CORO7: variants seen among roughly 807,000 people sequenced by gnomAD.
The protein encoded by CORO7 is coronin-7.
Under a neutral mutation model 126.6 loss-of-function variants are expected in CORO7, and 107 were observed. The observed-to-expected ratio is 0.85, with a 90% confidence interval of 0.72 to 0.99. The LOEUF is 0.99. Ranked by LOEUF, CORO7 falls within the 50% of genes least tolerant of loss-of-function variation. The pLI, the probability that CORO7 is intolerant of heterozygous loss-of-function variation, is 0.00. For missense variants in CORO7, 1,314 were observed against 1,255.8 expected (o/e 1.05, Z -0.70); for synonymous variants, 603 against 536.8 (o/e 1.12, Z -1.70).
Position 4,364,665 on chromosome 16 carries a change from A to T in CORO7, c.1069T>A (p.Phe357Ile), listed in dbSNP as rs767675222. 6.3e-7 allele frequency: 1 copy of T among 1,582,646 alleles called. No individual in the cohort carries two copies. The highest frequency in any genetic ancestry group is 1.3e-5 in the African/African-American group (1 of 74,616). ...GGCACACAGCCGGCAGTGTCCGGGA[A>T]CAGGTCCTCGTGGAACTCCACAGCC... ...RKAVEFHEDL[F>I]PDTAGCVPAT... The change falls in exon 13 of 28, where the codon TTC (phenylalanine) becomes ATC (isoleucine). Residue 357 changes from phenylalanine (F) to isoleucine (I), a missense_variant. Phe to Ile is a conservative substitution (Grantham distance 21). Transcript: ENST00000251166.
chr16:4,410,010 T>C (rs1214023249), intron 3 of CORO7, among the ~76,000 whole-genome samples: 1 of 152,212 alleles, frequency 6.6e-6, no homozygotes, highest in East Asian at 1.9e-4. Flanking sequence ...AGTGAGGCTA[T>C]GGACTTGCCT....
In CORO7 at chr16:4,400,797, CAAT is replaced by C. The variant is rs373023916; in HGVS notation, c.564+4691_564+4693del. ...ATCGTGCCAATGCACTCCAGCAGTG[CAAT>C]AATAATAATAATAATAATAATAATA... On this transcript the variant is annotated intron_variant, in intron 6 of 27. Transcript: ENST00000251166. Among the ~76,000 whole-genome samples the C allele has an allele frequency of 6.7e-3, 933 of 139,328 alleles. 7 individuals carry two copies. The highest frequency in any genetic ancestry group is 0.018 in the African/African-American group (673 of 37,692). The allele number at this position is 139,328 out of a possible 152,430, so 91.4% of individuals were successfully genotyped here.
rs1481419466 is a variant in CORO7, at chr16:4,383,060, C to T, written c.785+4926G>A. ...GGCCCTGTTCCCTCTGGACCTCGGT[C>T]TCCTCATCTGTGAGATGCTGTGGCC... On this transcript the variant is annotated intron_variant, in intron 9 of 27. Coordinates refer to ENST00000251166, the MANE Select transcript of CORO7 (RefSeq NM_024535.5). 5 of 781,006 alleles carry T rather than the reference C, an allele frequency of 6.4e-6. No individual in the cohort carries two copies. The East Asian group carries it at 1.5e-4, about 23-fold the overall frequency. 48.4% of individuals were successfully genotyped at this position (781,006 alleles called of 1,614,324 possible). A position where few individuals can be genotyped will look rare whatever the true frequency, so the allele number is the denominator to read the frequency against.
intron 1 of CORO7, among the ~76,000 whole-genome samples, chr16:4,416,170 G>T (rs948679201): frequency 6.6e-6 from 1 of 152,118 alleles, no homozygotes. Context: ...CCTGGGCCCC[G>T]GCTAGGAGGG....
chr16:4,381,636 C>A, intron 9 of CORO7: 1 of 1,599,536 alleles, frequency 6.3e-7, no homozygotes, highest in Non-Finnish European at 8.5e-7. Flanking sequence ...CCCGCATTGC[C>A]CAGCTGCGGC....
intron 3 of CORO7, among the ~76,000 whole-genome samples, chr16:4,410,608 T>G (rs2056168112): frequency 6.6e-6 from 1 of 152,238 alleles, no homozygotes; most frequent in Admixed American, 6.5e-5. Context: ...TTATACAAGC[T>G]GCCACACACA....
chr16:4,399,155 G>T (rs1279196880), intron 6 of CORO7, among the ~76,000 whole-genome samples: 1 of 152,144 alleles, frequency 6.6e-6, no homozygotes, highest in African/African-American at 2.4e-5. Flanking sequence ...CAAAAGAACT[G>T]AAAGCAGGCC....
intron 9 of CORO7, among the ~76,000 whole-genome samples, chr16:4,372,222 G>T (rs1025337427): frequency 5.9e-5 from 9 of 152,182 alleles, no homozygotes; most frequent in African/African-American, 1.9e-4. Context: ...GCGCGCCTGA[G>T]TGTGCGGTGA....
chr16:4,356,231 G>A (rs894991133), intron 26 of CORO7, among the ~76,000 whole-genome samples: 1 of 152,130 alleles, frequency 6.6e-6, no homozygotes, highest in African/African-American at 2.4e-5. Flanking sequence ...GGGATTACAG[G>A]CGTGAGCCAC....
intron 9 of CORO7, chr16:4,382,161 G>C (rs563539410): frequency 1.3e-6 from 2 of 1,593,612 alleles, no homozygotes; most frequent in Non-Finnish European, 1.7e-6. Flanking sequence ...GGCACCACCT[G>C]GCGTGCTTGT....
Position 4,364,408 on chromosome 16 carries a change from C to T in CORO7, c.1143G>A (p.Gln381=). Residue 381 remains glutamine (Q), a synonymous_variant, in exon 14 of 28, where the codon CAG becomes CAA. Coordinates refer to ENST00000251166, the MANE Select transcript of CORO7 (RefSeq NM_024535.5). ...SWWAGDNQQV[Q]KVSLNPACRP... ...GGCAGGCGGGGTTGAGGCTGACCTT[C>T]TGCACCTGCATGGAGGCCGGCAGTG... 1 of 1,505,062 alleles carries T rather than the reference C, an allele frequency of 6.6e-7. No individual in the cohort carries two copies. The allele number at this position is 1,505,062 out of a possible 1,614,324, so 93.2% of individuals were successfully genotyped here.
rs752771700 is a variant in CORO7, at chr16:4,381,382, C to A, written c.785+6604G>T. 8.2e-6 allele frequency: 13 copies of A among 1,589,536 alleles called. No individual in the cohort carries two copies. In the African/African-American group the frequency reaches 1.6e-4, roughly 20 times the overall value. On this transcript the variant is annotated intron_variant, in intron 9 of 27. Coordinates refer to ENST00000251166, the MANE Select transcript of CORO7 (RefSeq NM_024535.5). ...GCGGGCACTGCCCCCGCTGCGCCTG[C>A]CCCGCCTGCTGCTGCTGGACCTCAG...
At chr16:4,380,741 C>A in intron 9 of CORO7, 1 of 1,098,238 alleles carries the variant, frequency 9.1e-7, no homozygotes, top group Non-Finnish European at 1.3e-6. Context: ...GGCGACCTGA[C>A]TCATAACCAT....
chr16:4,367,774 G>A (rs2141205428), intron 9 of CORO7, among the ~76,000 whole-genome samples: 1 of 152,306 alleles, frequency 6.6e-6, no homozygotes. Flanking sequence ...AGCCTGGACA[G>A]TGTGGGTGAG....
intron 7 of CORO7, among the ~76,000 whole-genome samples, chr16:4,390,509 C>G (rs1323660879): frequency 1.3e-5 from 2 of 152,168 alleles, no homozygotes; most frequent in African/African-American, 4.8e-5. Context: ...AGGCGTGAGC[C>G]AGGTATGGGA....
intron 2 of CORO7, chr16:4,412,830 G>A: frequency 3.8e-6 from 1 of 265,712 alleles, no homozygotes; most frequent in Non-Finnish European, 7.2e-6. Context: ...GAGCCTTTGG[G>A]CACCGATCTG....
chr16:4,390,996 C>T (rs922794448), intron 7 of CORO7, among the ~76,000 whole-genome samples: 3 of 152,230 alleles, frequency 2.0e-5, no homozygotes, highest in Non-Finnish European at 2.9e-5. Flanking sequence ...TGTCCGTGCC[C>T]AGCCACTCCC....
chr16:4,387,816 C>A, intron 9 of CORO7, 170 bp downstream of exon 9: 1 of 783,834 alleles, frequency 1.3e-6, no homozygotes, highest in South Asian at 1.7e-5. Flanking sequence ...CATCTGGAAG[C>A]TCCGGGGGTA....
At chr16:4,380,774 C>A in intron 9 of CORO7, 2 of 1,316,372 alleles carry the variant, frequency 1.5e-6, no homozygotes, top group Non-Finnish European at 2.0e-6. Flanking sequence ...CATTTGGGGG[C>A]AGAAGCAGTG....
Sources: gnomAD v4.1 joint callset for allele counts (sites outside exome capture counted in the v4.1 genomes callset) on GRCh38, gnomAD v4.1.1 for gene constraint, MANE v1.5 for transcripts, NCBI Gene and HGNC (gene_info 2026-07-23, HGNC 2026-07-21) for gene names.